The following CSGALNACT1 variants were observed in gnomAD, a reference collection of about 807,000 sequenced individuals.
CSGALNACT1 encodes chondroitin sulfate N-acetylgalactosaminyltransferase 1.
CSGALNACT1 carries 52 observed loss-of-function variants against 51.0 expected under a neutral mutation model. That is an observed-to-expected ratio of 1.02 (90% confidence interval 0.82 to 1.29). The LOEUF is 1.29. Ranked by LOEUF, CSGALNACT1 falls within the 50% of genes most tolerant of loss-of-function variation. The pLI is 0.00. For missense variants in CSGALNACT1, 935 were observed against 679.2 expected, an observed-to-expected ratio of 1.38 and a Z score of -4.19; for synonymous variants, 341 against 254.4, an observed-to-expected ratio of 1.34 and a Z score of -3.24.
intron 1 of CSGALNACT1, among the ~76,000 whole-genome samples, chr8:19,613,582 A>G (rs2052598480): frequency 6.6e-6 from 1 of 152,250 alleles, no homozygotes; most frequent in South Asian, 2.1e-4. Context: ...GTTTCCACAC[A>G]TGATTATAAC....
At chr8:19,632,549 C>A (rs570760481) in intron 1 of CSGALNACT1, among the ~76,000 whole-genome samples, 1 of 152,284 alleles carries the variant, frequency 6.6e-6, no homozygotes, top group South Asian at 2.1e-4. Context: ...GCATTTTGGA[C>A]GGTAAGTTTA....
intron 1 of CSGALNACT1, chr8:19,688,929 C>A (rs1419926956): frequency 2.6e-5 from 4 of 152,250 alleles, no homozygotes; most frequent in African/African-American, 9.7e-5. Context: ...CCTATCTGGA[C>A]GTGCAGCCAT....
intron 1 of CSGALNACT1, among the ~76,000 whole-genome samples, chr8:19,644,483 G>A (rs968022512): frequency 6.6e-6 from 1 of 151,010 alleles, no homozygotes; most frequent in Admixed American, 6.6e-5. Flanking sequence ...GCTGAGGTGG[G>A]TGAATCACCT....
At chr8:19,675,148 T>C (rs942373319) in intron 1 of CSGALNACT1, among the ~76,000 whole-genome samples, 8 of 152,332 alleles carry the variant, frequency 5.3e-5, no homozygotes, top group Middle Eastern at 3.4e-3. Context: ...GGAGCTATCA[T>C]GGTAAGTGCC....
intron 1 of CSGALNACT1, among the ~76,000 whole-genome samples, chr8:19,715,091 G>A (rs2062727316): frequency 1.3e-5 from 2 of 152,176 alleles, no homozygotes; most frequent in South Asian, 2.1e-4. Flanking sequence ...CAGAATCATG[G>A]TGGGAGGTGA....
intron 4 of CSGALNACT1, 44 bp downstream of exon 3, chr8:19,505,156 CA>C: frequency 6.2e-7 from 1 of 1,611,500 alleles, no homozygotes; most frequent in Non-Finnish European, 8.5e-7. Context: ...CAGGAACCCC[CA>C]ATTCCTTTTC....
Position 19,720,602 on chromosome 8 carries a change from G to T in CSGALNACT1, c.-297+37248C>A, listed in dbSNP as rs562769487. 1.5e-4 allele frequency among the ~76,000 whole-genome samples: 23 copies of T among 152,238 alleles called. No homozygotes were observed. In the South Asian group the frequency reaches 4.8e-3, roughly 32 times the overall value. ...GTTTCGAGGAGTGGCTCCCTTCCCC[G>T]GACAGGGCTAAGGAGTGTGGCTGTG... On this transcript the variant is annotated intron_variant, in intron 1 of 1. Coordinates refer to the CSGALNACT1 transcript ENST00000517494.
At chr8:19,746,832 A>G (rs987066563) in intron 1 of CSGALNACT1, among the ~76,000 whole-genome samples, 10 of 152,228 alleles carry the variant, frequency 6.6e-5, no homozygotes, top group African/African-American at 2.4e-4. Flanking sequence ...AGCTTTATTC[A>G]AAGCTTTGCC....
intron 6 of CSGALNACT1, among the ~76,000 whole-genome samples, chr8:19,428,333 T>A (rs943114983): frequency 1.3e-5 from 2 of 152,084 alleles, no homozygotes; most frequent in Non-Finnish European, 2.9e-5. Flanking sequence ...GGCCTCACAT[T>A]CATGGCGGAA....
intron 1 of CSGALNACT1, among the ~76,000 whole-genome samples, chr8:19,652,140 G>A (rs117709303): frequency 0.044 from 6,676 of 151,820 alleles, 231 homozygotes; most frequent in Non-Finnish European, 0.063. Context: ...TTGTAGAGAT[G>A]GGGTTTCACC....
chr8:19,526,255 G>GAACAGC (rs891223215), intron 3 of CSGALNACT1, among the ~76,000 whole-genome samples: 9 of 152,144 alleles, frequency 5.9e-5, no homozygotes, highest in Admixed American at 2.0e-4. Context: ...TAGAGGGGCA[G>GAACAGC]AACAGCTATT....
At chr8:19,415,247 C>T (rs888882104) in intron 8 of CSGALNACT1, among the ~76,000 whole-genome samples, 13 of 152,216 alleles carry the variant, frequency 8.5e-5, no homozygotes, top group Non-Finnish European at 1.5e-4. Context: ...TCTGACTTCT[C>T]CTCTCGCACC....
intron 1 of CSGALNACT1, among the ~76,000 whole-genome samples, chr8:19,700,480 G>A (rs1052543205): frequency 6.6e-6 from 1 of 152,118 alleles, no homozygotes; most frequent in Non-Finnish European, 1.5e-5. Flanking sequence ...TGACAAAGTA[G>A]TTATGGGTGA....
intron 3 of CSGALNACT1, among the ~76,000 whole-genome samples, chr8:19,565,914 C>CA (rs1460028715): frequency 6.6e-6 from 1 of 152,076 alleles, no homozygotes; most frequent in Non-Finnish European, 1.5e-5. Context: ...CCATCTCAAA[C>CA]AAAAACAAAA....
rs1384021592 is a variant in CSGALNACT1, at chr8:19,439,930, C to T, written c.853G>A (p.Glu285Lys). ...CTCCCATCCTGCTCAATGCACATCT[C>T]CCTGGAAAACAAAACACATGCATGT... The change falls in exon 6 of 10, where the codon GAG (glutamate) becomes AAG (lysine). Residue 285 changes from glutamate (E) to lysine (K), a missense_variant and splice_region_variant. Coordinates refer to ENST00000454498, the Ensembl canonical transcript of CSGALNACT1. The T allele has an allele frequency of 2.5e-6, 4 of 1,613,376 alleles. No individual in the cohort carries two copies. The highest frequency in any genetic ancestry group is 3.4e-6 in the Non-Finnish European group (4 of 1,179,382).
chr8:19,693,731 G>T (rs1257469689), intron 1 of CSGALNACT1, among the ~76,000 whole-genome samples: 1 of 151,838 alleles, frequency 6.6e-6, no homozygotes, highest in Non-Finnish European at 1.5e-5. Context: ...CCCAAGCCCT[G>T]ACCACCCACA....
intron 1 of CSGALNACT1, among the ~76,000 whole-genome samples, chr8:19,654,770 C>T (rs1053109584): frequency 2.6e-5 from 4 of 152,200 alleles, no homozygotes; most frequent in Admixed American, 2.0e-4. Flanking sequence ...GTCTTGAACT[C>T]CTGAGCTCAA....
chr8:19,590,573 G>T (rs1382699022), intron 3 of CSGALNACT1, among the ~76,000 whole-genome samples: 1 of 143,544 alleles, frequency 7.0e-6, no homozygotes, highest in Non-Finnish European at 1.5e-5. Context: ...CCAATTTATT[G>T]TATTATTTTC....
chr8:19,625,716 G>C lies in CSGALNACT1; in HGVS notation c.-543-23851C>G, dbSNP rs115148533. ...TCTTTAAACAAACTAGAAAATGTAC[G>C]AAAAAGAAGTAAGATTCAGTAGGCT... On this transcript the variant is annotated intron_variant, in intron 1 of 9. Transcript: ENST00000332246. Among the ~76,000 whole-genome samples, 1,207 of 152,250 alleles carry C rather than the reference G, an allele frequency of 7.9e-3. 17 individuals carry two copies. The highest frequency in any genetic ancestry group is 0.027 in the African/African-American group (1,137 of 41,532).
Sources: allele counts gnomAD v4.1 joint callset (sites outside exome capture counted in the v4.1 genomes callset), GRCh38; gene constraint gnomAD v4.1.1; transcripts MANE v1.5; gene names NCBI Gene and HGNC (gene_info 2026-07-23, HGNC 2026-07-21).